Variants in CCDC181 observed in about 807,000 individuals in gnomAD.
CCDC181 encodes the protein coiled-coil domain containing 181.
Under a neutral mutation model 58.7 loss-of-function variants are expected in CCDC181, and 35 were observed. The observed-to-expected ratio is 0.60, with a 90% CI of 0.46 to 0.79. CCDC181 has a LOEUF of 0.79. Among genes scored for constraint, CCDC181 ranks in the 30% least tolerant of loss-of-function variants. CCDC181 has a pLI of 0.00. For synonymous variants in CCDC181, 183 were observed against 197.5 expected (o/e 0.93, Z 0.62); for missense variants, 517 against 583.9 (o/e 0.89, Z 1.18).
At chr1:169,418,428 C>A (rs1469338745) in intron 4 of CCDC181, among the ~76,000 whole-genome samples, 2 of 151,574 alleles carry the variant, frequency 1.3e-5, no homozygotes, top group Non-Finnish European at 2.9e-5. Flanking sequence ...GGATTTGCAC[C>A]ACGCTGTTAA....
rs757785077 is a variant in CCDC181, at chr1:169,422,325, A to G, written c.118-12T>C. ...TTCTCACAAGCCATCTAAAAACAAG[A>G]TATTTTTCAGTCAAAATTGAGATTC... On this transcript the variant is annotated splice_polypyrimidine_tract_variant and intron_variant, in intron 2 of 5. Coordinates refer to ENST00000367806, the MANE Select transcript of CCDC181 (RefSeq NM_001300969.2). 26 of 1,501,654 alleles carry G rather than the reference A, an allele frequency of 1.7e-5. No individual in the cohort carries two copies. Among genetic ancestry groups the G allele is most frequent in the Middle Eastern group, 1.8e-4 (1 of 5,638 alleles). The allele number at this position is 1,501,654 out of a possible 1,614,324, so 93.0% of individuals were successfully genotyped here.
At position 169,447,575 on chromosome 1, in the gene CCDC181, A is replaced by C. The variant is rs984571777; in HGVS notation, c.-24+12222T>G. 2.6e-5 allele frequency among the ~76,000 whole-genome samples: 4 copies of C among 152,184 alleles called. No individual in the cohort carries two copies. The East Asian group carries it at 7.7e-4, about 29-fold the overall frequency. ...ATTGATAGTACTATTCAGGTCAACTATATCCTTACTGACTTTCTGCCTGTT... is the reference window on the plus strand; with the variant it reads ...ATTGATAGTACTATTCAGGTCAACTCTATCCTTACTGACTTTCTGCCTGTT... On this transcript the variant is annotated intron_variant, in intron 2 of 6. Transcript: ENST00000545005.
chr1:169,408,934 C>A (rs984856538), intron 4 of CCDC181, among the ~76,000 whole-genome samples: 2 of 152,142 alleles, frequency 1.3e-5, no homozygotes, highest in South Asian at 4.1e-4. Context: ...ATGAGGAAAG[C>A]CCTGCGCAAA....
At chr1:169,395,253 C>A (rs1389312489) in intron 5 of CCDC181, 47 bp from the exon 6 acceptor site, 10 of 1,506,150 alleles carry the variant, frequency 6.6e-6, no homozygotes, top group Non-Finnish European at 8.1e-6. Flanking sequence ...AACCTGAATA[C>A]ACTCTTCATG....
chr1:169,407,717 T>C (rs916412598), intron 4 of CCDC181, among the ~76,000 whole-genome samples: 16 of 152,210 alleles, frequency 1.1e-4, no homozygotes, highest in Admixed American at 2.0e-4. Flanking sequence ...TCTGCGTTTG[T>C]AACTGAGGCA....
chr1:169,458,194 GT>G (rs1184666505), intron 2 of CCDC181, among the ~76,000 whole-genome samples: 4 of 81,858 alleles, frequency 4.9e-5, no homozygotes, highest in African/African-American at 1.5e-4. Flanking sequence ...TTTTTGTTTT[GT>G]TTTTTTTGCC....
rs573436298 is a variant in CCDC181 at position 169,433,833 on chromosome 1, CAG to C, written c.-23-8885_-23-8884del. On this transcript the variant is annotated intron_variant, in intron 2 of 6. Transcript: ENST00000545005. ...AAAACTATGAACTCTTATAAGGAAA[CAG>C]AGCAATAGCTTTGCCACATTGGATT... 3.3e-5 allele frequency among the ~76,000 whole-genome samples: 5 copies of C among 152,068 alleles called. No homozygotes were observed. In the South Asian group the frequency reaches 1.0e-3, roughly 32 times the overall value.
intron 2 of CCDC181, among the ~76,000 whole-genome samples, chr1:169,434,919 G>A (rs750094981): frequency 9.2e-5 from 14 of 152,156 alleles, no homozygotes; most frequent in African/African-American, 2.6e-4. Flanking sequence ...AAGTAGAATC[G>A]TGTTTTCCAG....
intron 2 of CCDC181, among the ~76,000 whole-genome samples, chr1:169,445,546 T>C (rs749514087): frequency 6.6e-6 from 1 of 152,208 alleles, no homozygotes; most frequent in Non-Finnish European, 1.5e-5. Flanking sequence ...TTCACTAATC[T>C]TGTTGAGGAG....
chr1:169,424,094 G>C (rs919133326), intron 2 of CCDC181, among the ~76,000 whole-genome samples: 1 of 151,462 alleles, frequency 6.6e-6, no homozygotes, highest in Admixed American at 6.6e-5. Context: ...ACTAACTTAT[G>C]TATATACATA....
chr1:169,450,028 T>TA (rs1205563868), intron 2 of CCDC181, among the ~76,000 whole-genome samples: 2 of 152,182 alleles, frequency 1.3e-5, no homozygotes, highest in African/African-American at 2.4e-5. Flanking sequence ...GCCCGATTGA[T>TA]ATGGGGGTGA....
At chr1:169,430,417 C>T (rs766278514), upstream of CCDC181, among the ~76,000 whole-genome samples, 8 of 152,190 alleles carry the variant, frequency 5.3e-5, no homozygotes, top group Non-Finnish European at 1.0e-4. Context: ...TTCTACCCAT[C>T]TATGAGCATG....
Position 169,397,224 on chromosome 1 carries a change from G to A in CCDC181, c.1370+13C>T. 4 of 1,564,702 alleles carry A rather than the reference G, an allele frequency of 2.6e-6. No individual in the cohort carries two copies. Among genetic ancestry groups the A allele is most frequent in the Non-Finnish European group, 3.5e-6 (4 of 1,158,410 alleles). Reference sequence around the variant, plus strand: ...GGAAGGAGGAGGGGGGAAATGCCCTGCCTTTAACTTACTGTTTAAAGGCCC... The same window carrying A: ...GGAAGGAGGAGGGGGGAAATGCCCTACCTTTAACTTACTGTTTAAAGGCCC... On this transcript the variant is annotated intron_variant, in intron 5 of 5. Coordinates refer to ENST00000367806, the MANE Select transcript of CCDC181 (RefSeq NM_001300969.2).
chr1:169,435,234 A>T (rs1467052052), intron 2 of CCDC181, among the ~76,000 whole-genome samples: 1 of 152,156 alleles, frequency 6.6e-6, no homozygotes, highest in Non-Finnish European at 1.5e-5. Context: ...AAAAGATCAC[A>T]TATTGTATAA....
At chr1:169,449,825 C>T (rs1486824624) in intron 2 of CCDC181, among the ~76,000 whole-genome samples, 1 of 152,208 alleles carries the variant, frequency 6.6e-6, no homozygotes, top group Non-Finnish European at 1.5e-5. Flanking sequence ...GGGTCTGCCT[C>T]TCCCAGTCCT....
chr1:169,403,326 C>A (rs1307584654), intron 4 of CCDC181, among the ~76,000 whole-genome samples: 1 of 152,190 alleles, frequency 6.6e-6, no homozygotes, highest in Non-Finnish European at 1.5e-5. Flanking sequence ...TAGACATCTA[C>A]AGAACTCCAC....
At chr1:169,398,970 G>T (rs148016880) in intron 4 of CCDC181, among the ~76,000 whole-genome samples, 2 of 152,204 alleles carry the variant, frequency 1.3e-5, no homozygotes, top group Non-Finnish European at 2.9e-5. Flanking sequence ...GCTAAGAAGG[G>T]ATTGTGTTTG....
rs553348060 is a variant in CCDC181, at chr1:169,441,295, G to A, written c.-23-16345C>T. Among the ~76,000 whole-genome samples, 7 of 152,112 alleles carry A rather than the reference G, an allele frequency of 4.6e-5. No homozygotes were observed. In the South Asian group the frequency reaches 1.2e-3, roughly 27 times the overall value. On this transcript the variant is annotated intron_variant, in intron 2 of 6. Coordinates refer to the CCDC181 transcript ENST00000545005. ...ATCACTTTTTCTGATACTTAATCAC[G>A]AAAATGGAAGTTACTGAAGAAATTA...
intron 2 of CCDC181, among the ~76,000 whole-genome samples, chr1:169,441,038 A>G (rs192421879): frequency 2.6e-5 from 4 of 152,216 alleles, no homozygotes; most frequent in Admixed American, 1.3e-4. Context: ...AGCTAATGCA[A>G]TTCTGATCTG....
Sources: allele counts gnomAD v4.1 joint callset (sites outside exome capture counted in the v4.1 genomes callset), GRCh38; gene constraint gnomAD v4.1.1; transcripts MANE v1.5; gene names NCBI Gene and HGNC (gene_info 2026-07-23, HGNC 2026-07-21).